The following WIPF1 variants were observed in gnomAD, a reference collection of about 807,000 sequenced individuals.
WIPF1 encodes the protein WAS/WASL-interacting protein family member 1.
A neutral mutation model predicts 35.4 loss-of-function variants in WIPF1; 13 were observed. That is an observed-to-expected ratio of 0.37 (90% CI 0.24 to 0.58). The LOEUF (loss-of-function observed/expected upper bound fraction) is 0.58, where lower values mean the gene tolerates loss of function less well. Among genes scored for constraint, WIPF1 ranks in the 20% least tolerant of loss-of-function variants. The pLI, the probability that WIPF1 is intolerant of heterozygous loss-of-function variation, is 0.74. For synonymous variants in WIPF1, 267 were observed against 266.3 expected (o/e 1.00, Z -0.02); for missense variants, 591 against 667.0 (o/e 0.89, Z 1.25).
chr2:174,624,614 C>A lies in WIPF1; in HGVS notation c.-38-39003G>T, dbSNP rs1458389689. Among the ~76,000 whole-genome samples, 8 of 152,270 alleles carry A rather than the reference C, an allele frequency of 5.3e-5. 2 individuals carry two copies. The Middle Eastern group carries it at 0.024, about 453-fold the overall frequency. On this transcript the variant is annotated intron_variant, in intron 1 of 8. Coordinates refer to the WIPF1 transcript ENST00000272746. ...GGTGATATTCAAAATATTTAACAAC[C>A]AATGAGGCACAGGCACTAACCAATT...
intron 1 of WIPF1, among the ~76,000 whole-genome samples, chr2:174,614,550 A>T (rs149093299): frequency 6.6e-6 from 1 of 152,346 alleles, no homozygotes; most frequent in East Asian, 1.9e-4. Context: ...ATTATTCCCA[A>T]GTTCTGCCAC....
Position 174,562,498 on chromosome 2 carries a change from T to C in WIPF1, c.*49A>G. 1 of 1,613,600 alleles carries C rather than the reference T, an allele frequency of 6.2e-7. No homozygotes were observed. The highest frequency in any genetic ancestry group is 8.5e-7 in the Non-Finnish European group (1 of 1,179,836). ...GGGAGGAGGGTATGCAGTTCTTAGA[T>C]AGCAACAGAAGCAGCTCTTGAGCTT... is the stretch of plus-strand genomic sequence containing the variant. On this transcript the variant is annotated 3_prime_UTR_variant, in exon 8 of 8. Transcript: ENST00000679041.
intron 1 of WIPF1, among the ~76,000 whole-genome samples, chr2:174,674,907 C>G (rs1474732383): frequency 4.8e-5 from 5 of 105,072 alleles, no homozygotes; most frequent in Non-Finnish European, 7.7e-5. Flanking sequence ...TTCAAATACA[C>G]ACACACACAC....
chr2:174,602,873 A>G (rs1686051132), intron 1 of WIPF1, among the ~76,000 whole-genome samples: 1 of 152,196 alleles, frequency 6.6e-6, no homozygotes, highest in African/African-American at 2.4e-5. Context: ...ATTTGTTTGT[A>G]TGGAGAATCA....
rs1337301028 is a variant in WIPF1 at position 174,606,042 on chromosome 2, GTCAAAGAACAAGTGGT to G, written c.-38-20447_-38-20432del. Among the ~76,000 whole-genome samples, 3 of 152,074 alleles carry G rather than the reference GTCAAAGAACAAGTGGT, an allele frequency of 2.0e-5. No individual in the cohort carries two copies. In the East Asian group the frequency reaches 5.8e-4, roughly 29 times the overall value. ...ATAGAATGAGGGCTCCCCTACAATG[GTCAAAGAACAAGTGGT>G]TCTTCCCAGAAAAGGAGTAAACTCT... On this transcript the variant is annotated intron_variant, in intron 1 of 8. Transcript: ENST00000272746.
intron 1 of WIPF1, among the ~76,000 whole-genome samples, chr2:174,682,033 T>C (rs1384779725): frequency 6.6e-6 from 1 of 152,244 alleles, no homozygotes; most frequent in Non-Finnish European, 1.5e-5. Flanking sequence ...TAACAGTTCT[T>C]TCTTTAAAAA....
chr2:174,569,864 T>C (rs1242104746), intron 5 of WIPF1, among the ~76,000 whole-genome samples: 1 of 152,170 alleles, frequency 6.6e-6, no homozygotes, highest in East Asian at 1.9e-4. Flanking sequence ...CCCATAACAC[T>C]GAAGCCAAAC....
At chr2:174,582,587 C>T (rs999858121) in intron 2 of WIPF1, among the ~76,000 whole-genome samples, 1 of 152,188 alleles carries the variant, frequency 6.6e-6, no homozygotes, top group African/African-American at 2.4e-5. Flanking sequence ...CATTATGTTG[C>T]CTAGGCTGGA....
intron 1 of WIPF1, among the ~76,000 whole-genome samples, chr2:174,624,341 A>G (rs1686763695): frequency 6.6e-6 from 1 of 152,186 alleles, no homozygotes; most frequent in Non-Finnish European, 1.5e-5. Context: ...AACATTAATC[A>G]AAGTTGTGTT....
At chr2:174,614,845 CCT>C (rs771122475) in intron 1 of WIPF1, among the ~76,000 whole-genome samples, 16 of 152,324 alleles carry the variant, frequency 1.1e-4, no homozygotes, top group Non-Finnish European at 2.1e-4. Context: ...TGCTTTCCAA[CCT>C]CTGTTTGCAC....
chr2:174,597,815 T>G (rs777731355), upstream of WIPF1: 1 of 152,650 alleles, frequency 6.6e-6, no homozygotes, highest in African/African-American at 2.4e-5. Context: ...GGTTATTCGC[T>G]TCCTGTCTGA....
At chr2:174,652,048 A>C (rs1687543840) in intron 1 of WIPF1, among the ~76,000 whole-genome samples, 1 of 152,210 alleles carries the variant, frequency 6.6e-6, no homozygotes, top group African/African-American at 2.4e-5. Context: ...CTTTTTACAT[A>C]GTGGCTCAAG....
At chr2:174,647,687 ACATCTC>A (rs1267962461) in intron 1 of WIPF1, among the ~76,000 whole-genome samples, 1 of 151,580 alleles carries the variant, frequency 6.6e-6, no homozygotes, top group Non-Finnish European at 1.5e-5. Flanking sequence ...CATATGAATT[ACATCTC>A]CATGATAAAA....
intron 1 of WIPF1, among the ~76,000 whole-genome samples, chr2:174,637,178 G>A (rs1461284656): frequency 6.6e-6 from 1 of 152,008 alleles, no homozygotes; most frequent in Admixed American, 6.5e-5. Context: ...TCCAGCTTCG[G>A]CCACTGGGAG....
intron 1 of WIPF1, among the ~76,000 whole-genome samples, chr2:174,682,447 C>A (rs977276938): frequency 9.8e-5 from 15 of 152,314 alleles, no homozygotes; most frequent in East Asian, 3.9e-4. Flanking sequence ...CCGAGCCCCA[C>A]GGGGCGGCCC....
intron 1 of WIPF1, among the ~76,000 whole-genome samples, chr2:174,654,032 C>G (rs1687594585): frequency 6.6e-6 from 1 of 152,190 alleles, no homozygotes; most frequent in African/African-American, 2.4e-5. Flanking sequence ...AAAAAGCCCC[C>G]TTTAAAAATC....
Position 174,622,829 on chromosome 2 carries a change from C to T in WIPF1, c.-38-37218G>A, listed in dbSNP as rs1162526962. On this transcript the variant is annotated intron_variant, in intron 1 of 8. Transcript: ENST00000272746. The surrounding 1 kb of genome is among the most constrained non-coding windows in gnomAD (Gnocchi z 5.1). The stretch of plus-strand genomic sequence containing the variant: ...TTTTGATTTTCCAGAGGTTACAGAG[C>T]TGCCAAGTCTGGGATTTGAGCTTTT... 6.6e-6 allele frequency among the ~76,000 whole-genome samples: 1 copy of T among 152,182 alleles called. No homozygotes were observed. The highest frequency in any genetic ancestry group is 1.5e-5 in the Non-Finnish European group (1 of 68,034).
At chr2:174,665,380 T>A (rs911592477) in intron 1 of WIPF1, 1 of 152,230 alleles carries the variant, frequency 6.6e-6, no homozygotes, top group Non-Finnish European at 1.5e-5. Context: ...TCCATCACCA[T>A]CTTCTCCACT....
At chr2:174,625,213 C>T (rs1686793359) in intron 1 of WIPF1, among the ~76,000 whole-genome samples, 1 of 152,172 alleles carries the variant, frequency 6.6e-6, no homozygotes, top group Admixed American at 6.5e-5. Flanking sequence ...TCTCAGTCCA[C>T]AGGTGTCATA....
Sources: allele counts gnomAD v4.1 joint callset (sites outside exome capture counted in the v4.1 genomes callset), GRCh38; gene constraint gnomAD v4.1.1; non-coding constraint Gnocchi (gnomAD v3.1); transcripts MANE v1.5; gene names NCBI Gene and HGNC (gene_info 2026-07-23, HGNC 2026-07-21).